The following GRM5 variants were observed in gnomAD, a reference collection of about 807,000 sequenced individuals.
GRM5 encodes the protein metabotropic glutamate receptor 5.
A neutral mutation model predicts 83.1 loss-of-function variants in GRM5; 19 were observed. The ratio of observed to expected loss-of-function variants is 0.23; its 90% confidence interval spans 0.16 to 0.34. GRM5 has a LOEUF of 0.34. Ranked by LOEUF, GRM5 falls within the 10% of genes least tolerant of loss-of-function variation. The pLI is 1.00. For missense variants in GRM5, 1,160 were observed against 1,588.3 expected, an observed-to-expected ratio of 0.73 and a Z score of 4.58; for synonymous variants, 675 against 633.6, an observed-to-expected ratio of 1.07 and a Z score of -0.98.
At chr11:88,638,376 T>C (rs2135282323) in intron 4 of GRM5, among the ~76,000 whole-genome samples, 1 of 152,224 alleles carries the variant, frequency 6.6e-6, no homozygotes, top group African/African-American at 2.4e-5. Flanking sequence ...TTTACATCAG[T>C]GTTCATGAGG....
chr11:88,694,206 G>T (rs915330542), intron 3 of GRM5, among the ~76,000 whole-genome samples: 2 of 152,168 alleles, frequency 1.3e-5, no homozygotes, highest in African/African-American at 4.8e-5. Context: ...GGAATTTTAA[G>T]TTTTATTAAA....
intron 2 of GRM5, among the ~76,000 whole-genome samples, chr11:88,943,894 G>A (rs1477148039): frequency 1.3e-5 from 2 of 151,968 alleles, no homozygotes; most frequent in Non-Finnish European, 2.9e-5. Flanking sequence ...ACCGAGCACA[G>A]ACCCTTAATA....
chr11:88,823,001 TA>T (rs1242903063), intron 3 of GRM5, among the ~76,000 whole-genome samples: 2 of 152,088 alleles, frequency 1.3e-5, no homozygotes, highest in Admixed American at 1.3e-4. Flanking sequence ...ATGATTTTAA[TA>T]ATTTATTCAA....
At chr11:88,771,398 C>T (rs1322039581) in intron 3 of GRM5, among the ~76,000 whole-genome samples, 1 of 152,108 alleles carries the variant, frequency 6.6e-6, no homozygotes, top group African/African-American at 2.4e-5. Context: ...CATTCCACGG[C>T]TGAAGGCCCA....
rs10525785 is a variant in GRM5, at chr11:88,854,058, G to GTATATATATATATATATA, written c.662-3921_662-3904dup. ...AGATAAATGAATTAAAAAATGTGGT[G>GTATATATATATATATATA]TATATATATATATATATATACACAA... On this transcript the variant is annotated intron_variant, in intron 2 of 9. Transcript: ENST00000305447. 9.7e-3 allele frequency among the ~76,000 whole-genome samples: 1,170 copies of GTATATATATATATATATA among 120,924 alleles called. 25 individuals carry two copies. The highest frequency in any genetic ancestry group is 0.033 in the East Asian group (132 of 4,058). 79.3% of individuals were successfully genotyped at this position (120,924 alleles called of 152,430 possible). A position where few individuals can be genotyped will look rare whatever the true frequency, so the allele number is the denominator to read the frequency against.
intron 3 of GRM5, among the ~76,000 whole-genome samples, chr11:88,831,597 G>A (rs1294470843): frequency 6.6e-6 from 1 of 152,132 alleles, no homozygotes; most frequent in African/African-American, 2.4e-5. Flanking sequence ...CATGTCACTT[G>A]GCATCTGGGA....
At chr11:88,683,114 C>T (rs997712675) in intron 3 of GRM5, among the ~76,000 whole-genome samples, 3 of 152,082 alleles carry the variant, frequency 2.0e-5, no homozygotes, top group Non-Finnish European at 2.9e-5. Context: ...CCTATTTTTC[C>T]AGGCACTTTT....
At chr11:88,814,916 G>T (rs1236865061) in intron 3 of GRM5, among the ~76,000 whole-genome samples, 3 of 151,958 alleles carry the variant, frequency 2.0e-5, no homozygotes, top group African/African-American at 7.3e-5. Flanking sequence ...CCTAATAATA[G>T]GTCTGTAAAA....
intron 7 of GRM5, among the ~76,000 whole-genome samples, chr11:88,582,104 T>C (rs932613497): frequency 1.3e-5 from 2 of 152,266 alleles, no homozygotes; most frequent in Admixed American, 6.5e-5. Context: ...ATTAAATTGG[T>C]TCCTACACTA....
chr11:89,058,728 A>T (rs1941927089), intron 1 of GRM5, among the ~76,000 whole-genome samples: 1 of 152,240 alleles, frequency 6.6e-6, no homozygotes, highest in Admixed American at 6.5e-5. Flanking sequence ...ATATTACCTT[A>T]CATTAAATAT....
At chr11:88,837,957 T>C (rs1481617908) in intron 3 of GRM5, among the ~76,000 whole-genome samples, 1 of 151,278 alleles carries the variant, frequency 6.6e-6, no homozygotes, top group Non-Finnish European at 1.5e-5. Context: ...TGGTGGCGGG[T>C]GCCTGTAGTC....
rs61741175 is a variant in GRM5 at position 88,604,754 on chromosome 11, G to C, written c.1358C>G (p.Thr453Arg). ...KTNFTGVSGD[T>R]ILFDENGDSP... ...GTCTCCATTCTCATCGAATAGGATCGTATCTCCAGAAACCCCAGTAAAATT... is the reference window on the plus strand; with the variant it reads ...GTCTCCATTCTCATCGAATAGGATCCTATCTCCAGAAACCCCAGTAAAATT... The change falls in exon 5 of 10, where the codon ACG becomes AGG. Residue 453 changes from threonine to arginine, a missense_variant. Thr to Arg is a moderately conservative substitution (Grantham distance 71, BLOSUM62 -1). This residue lies in a region of GRM5 where 132 missense variants were observed against 197.6 expected (regional missense o/e 0.67). Transcript: ENST00000305447. 14 of 1,611,488 alleles carry C rather than the reference G, an allele frequency of 8.7e-6. No homozygotes were observed. In the East Asian group the frequency reaches 3.1e-4, roughly 36 times the overall value.
chr11:88,825,112 G>C (rs78204910), intron 3 of GRM5, among the ~76,000 whole-genome samples: 3,870 of 151,876 alleles, frequency 0.025, 173 homozygotes, highest in African/African-American at 0.089. Context: ...CTTTTTTTTA[G>C]TTTTTCATGT....
rs370112116 is a variant in GRM5 at position 88,667,463 on chromosome 11, G to T, written c.912-14060C>A. Among the ~76,000 whole-genome samples, 5 of 152,174 alleles carry T rather than the reference G, an allele frequency of 3.3e-5. No homozygotes were observed. The South Asian group carries it at 8.3e-4, about 25-fold the overall frequency. ...TCACACTCAGGTTTATCATAGTAAA[G>T]CTGCTAAAAATGAAAGGCAAAGTTA... On this transcript the variant is annotated intron_variant, in intron 3 of 9. Coordinates refer to ENST00000305447, the MANE Select transcript of GRM5 (RefSeq NM_001143831.3).
At chr11:88,516,851 A>G (rs1030143349) in intron 9 of GRM5, among the ~76,000 whole-genome samples, 1 of 152,086 alleles carries the variant, frequency 6.6e-6, no homozygotes, top group East Asian at 1.9e-4. Flanking sequence ...TAAATCTACC[A>G]TGGACACCAT....
At chr11:88,982,972 T>A (rs513762) in intron 2 of GRM5, among the ~76,000 whole-genome samples, 91,285 of 152,064 alleles carry the variant, frequency 0.6, 28,524 homozygotes, top group African/African-American at 0.78. Context: ...AAGCTGAAGC[T>A]GGAGAATTGC....
In GRM5 at chr11:89,061,635, A is replaced by G. The variant is rs192369209; in HGVS notation, c.-201+4141T>C. 5.7e-4 allele frequency among the ~76,000 whole-genome samples: 87 copies of G among 152,342 alleles called. 1 individual carries two copies. The highest frequency in any genetic ancestry group is 1.5e-4 in the Non-Finnish European group (10 of 68,034). ...TTTTTGCTGGTTGGTTATAATAGATATGAGTGAATTTTTCAATTTCCCCCT... is the reference window on the plus strand; with the variant it reads ...TTTTTGCTGGTTGGTTATAATAGATGTGAGTGAATTTTTCAATTTCCCCCT... On this transcript the variant is annotated intron_variant, in intron 1 of 9. Transcript: ENST00000305447.
chr11:89,032,634 C>G (rs1300704782), intron 2 of GRM5, among the ~76,000 whole-genome samples: 1 of 152,066 alleles, frequency 6.6e-6, no homozygotes, highest in Non-Finnish European at 1.5e-5. Context: ...TTAATGATCA[C>G]AACTGTCCTA....
intron 3 of GRM5, among the ~76,000 whole-genome samples, chr11:88,731,016 A>T (rs1355255424): frequency 6.6e-6 from 1 of 152,158 alleles, no homozygotes; most frequent in Non-Finnish European, 1.5e-5. Flanking sequence ...ATAAAGTATA[A>T]TAAAAAAACA....
Sources: allele counts gnomAD v4.1 joint callset (sites outside exome capture counted in the v4.1 genomes callset), GRCh38; gene constraint gnomAD v4.1.1; regional missense constraint gnomAD v4.1.1; transcripts MANE v1.5; gene names NCBI Gene and HGNC (gene_info 2026-07-23, HGNC 2026-07-21).